Variants in HEATR6 observed in about 807,000 individuals in gnomAD.
The protein encoded by HEATR6 is HEAT repeat containing 6, also known as HEAT repeat-containing protein 6.
HEATR6 carries 106 observed loss-of-function variants against 132.8 expected under a neutral mutation model. The ratio of observed to expected loss-of-function variants is 0.80; its 90% CI spans 0.68 to 0.94. The LOEUF (loss-of-function observed/expected upper bound fraction) is 0.94, where lower values mean the gene tolerates loss of function less well. Ranked by LOEUF, HEATR6 falls within the 40% of genes least tolerant of loss-of-function variation. The pLI is 0.00. For synonymous variants in HEATR6, 529 were observed against 537.8 expected (o/e 0.98, Z 0.23); for missense variants, 1,339 against 1,425.1 (o/e 0.94, Z 0.97).
chr17:60,043,093 GC>G lies in HEATR6; in HGVS notation c.*469del, dbSNP rs1417212831. ...GCTGTGAGGCACTGTCAGCATCCTC[GC>G]ATCCTGTGCAGCTGGGCCAGGACAA... is the stretch of plus-strand genomic sequence containing the variant. On this transcript the variant is annotated 3_prime_UTR_variant, in exon 20 of 20. Transcript: ENST00000184956. The G allele has an allele frequency of 3.7e-6, 1 of 267,272 alleles. No homozygotes were observed. Among genetic ancestry groups the G allele is most frequent in the African/African-American group, 2.3e-5 (1 of 42,780 alleles). 16.6% of individuals were successfully genotyped at this position (267,272 alleles called of 1,614,324 possible).
At chr17:60,055,303 GTTATA>G (rs1353992318) in intron 14 of HEATR6, among the ~76,000 whole-genome samples, 1 of 152,116 alleles carries the variant, frequency 6.6e-6, no homozygotes, top group Non-Finnish European at 1.5e-5. Flanking sequence ...CTGGTTATAT[GTTATA>G]CATAAGCCTA....
intron 12 of HEATR6, 39 bp from the exon 13 acceptor site, chr17:60,056,276 G>A (rs377021438): frequency 1.3e-6 from 2 of 1,568,784 alleles, no homozygotes; most frequent in Admixed American, 3.8e-5. Context: ...TAAGACCTGA[G>A]TGCAAGGCTG....
chr17:60,065,943 G>A (rs765066509), intron 9 of HEATR6, among the ~76,000 whole-genome samples: 6 of 152,250 alleles, frequency 3.9e-5, no homozygotes, highest in Admixed American at 6.5e-5. Context: ...CTTCAGTGCA[G>A]TTCAAGGGAG....
intron 8 of HEATR6, among the ~76,000 whole-genome samples, 186 bp from the exon 9 acceptor site, chr17:60,066,572 T>G (rs1361972434): frequency 6.6e-6 from 1 of 152,174 alleles, no homozygotes; most frequent in African/African-American, 2.4e-5. Flanking sequence ...AATCAAAACA[T>G]GTTAAGACAA....
At chr17:60,073,499 G>A (rs766747285) in intron 3 of HEATR6, among the ~76,000 whole-genome samples, 13 of 152,124 alleles carry the variant, frequency 8.5e-5, no homozygotes, top group Non-Finnish European at 1.9e-4. Flanking sequence ...CTTTAGTGTG[G>A]CCGTATGGCT....
At chr17:60,075,130 A>C (rs1298064315) in intron 2 of HEATR6, among the ~76,000 whole-genome samples, 1 of 152,220 alleles carries the variant, frequency 6.6e-6, no homozygotes, top group Non-Finnish European at 1.5e-5. Flanking sequence ...CCTTACTGTT[A>C]AGTACAAGAG....
chr17:60,041,565 C>A lies in HEATR6; in HGVS notation c.*1998G>T, dbSNP rs1906172455. On this transcript the variant is annotated 3_prime_UTR_variant, in exon 20 of 20. Transcript: ENST00000184956. ...ACTTAGTTTCCTGGGCCCTCTATAA[C>A]ACTTCATGTTCAGAATTGTCTCCAA... Among the ~76,000 whole-genome samples the A allele has an allele frequency of 6.6e-6, 1 of 152,164 alleles. No individual in the cohort carries two copies. The highest frequency in any genetic ancestry group is 2.4e-5 in the African/African-American group (1 of 41,442).
intron 16 of HEATR6, 133 bp downstream of exon 16, chr17:60,049,447 A>G: frequency 9.9e-7 from 1 of 1,010,938 alleles, no homozygotes; most frequent in Non-Finnish European, 1.4e-6. Context: ...ATATTTTAGT[A>G]GCAATTACAG....
At chr17:60,067,281 A>T in intron 8 of HEATR6, 153 bp downstream of exon 8, 1 of 440,964 alleles carries the variant, frequency 2.3e-6, no homozygotes, top group Non-Finnish European at 3.7e-6. Context: ...AAAAAAAAAA[A>T]AAAAAAAAAG....
Position 60,069,916 on chromosome 17 carries a change from A to G in HEATR6, c.802-68T>C, listed in dbSNP as rs931119710. The G allele has an allele frequency of 1.9e-6, 3 of 1,562,692 alleles. No individual in the cohort carries two copies. The African/African-American group carries it at 4.1e-5, about 21-fold the overall frequency. On this transcript the variant is annotated intron_variant, in intron 6 of 19. Transcript: ENST00000184956. ...AAAAAACCATTAATCATAAACCATT[A>G]ATCATAAAATAGAACTATTTACCAT...
chr17:60,057,891 A>G (rs1048433557), intron 11 of HEATR6, among the ~76,000 whole-genome samples: 1 of 152,106 alleles, frequency 6.6e-6, no homozygotes, highest in African/African-American at 2.4e-5. Flanking sequence ...GTTGAAAAGT[A>G]TCTGCTCCTT....
At chr17:60,062,592 G>A (rs1226994926) in intron 9 of HEATR6, among the ~76,000 whole-genome samples, 1 of 152,192 alleles carries the variant, frequency 6.6e-6, no homozygotes, top group Non-Finnish European at 1.5e-5. Flanking sequence ...AGTCCCTGCT[G>A]GGAGTAGGTA....
chr17:60,072,531 G>A (rs564932974), intron 4 of HEATR6, among the ~76,000 whole-genome samples: 6 of 152,290 alleles, frequency 3.9e-5, no homozygotes, highest in African/African-American at 1.4e-4. Context: ...ATAGAGGAAG[G>A]GTGGTTTCCA....
rs771724894 is a variant in HEATR6 at position 60,073,277 on chromosome 17, G to T, written c.471C>A (p.Tyr157Ter). The T allele has an allele frequency of 6.3e-7, 1 of 1,584,074 alleles. No individual in the cohort carries two copies. The highest frequency in any genetic ancestry group is 8.7e-7 in the Non-Finnish European group (1 of 1,152,920). Residue 157 changes from tyrosine to a stop codon, truncating the protein, a stop_gained and splice_region_variant, in exon 4 of 20, where the codon TAC becomes TAA. Coordinates refer to ENST00000184956, the MANE Select transcript of HEATR6 (RefSeq NM_022070.5). LOFTEE classifies it high-confidence loss of function. The part of the protein sequence containing the change: ...VYCNGSKCQK[Y>*]LPELLGNTGL... ...CGGTGTTGCCTAGCAGCTCTGGGAG[G>T]TACTAAGAAAAATAAGAGTCAATGT... is the stretch of plus-strand genomic sequence containing the variant.
chr17:60,059,293 A>G (rs1018387953), intron 11 of HEATR6, 129 bp downstream of exon 11: 18 of 554,296 alleles, frequency 3.2e-5, no homozygotes, highest in Non-Finnish European at 5.6e-5. Context: ...GTTGAGAAGA[A>G]TAAGCAGAGA....
At chr17:60,068,059 G>A (rs2083251956) in intron 7 of HEATR6, among the ~76,000 whole-genome samples, 1 of 152,196 alleles carries the variant, frequency 6.6e-6, no homozygotes, top group East Asian at 1.9e-4. Context: ...CTGTAAGTAT[G>A]CGGCTAATAC....
Position 60,067,695 on chromosome 17 carries a change from A to T in HEATR6, c.977T>A (p.Ile326Asn). 1 of 1,612,950 alleles carries T rather than the reference A, an allele frequency of 6.2e-7. No individual in the cohort carries two copies. The highest frequency in any genetic ancestry group is 8.5e-7 in the Non-Finnish European group (1 of 1,179,656). The change falls in exon 8 of 20, where the codon ATC becomes AAC. Residue 326 changes from isoleucine (I) to asparagine (N), a missense_variant. Transcript: ENST00000184956. ...KKKSKVKPKK[I>N]QQGEEEEKES... ...CTTTTCCTCCTCCTCTCCTTGCTGG[A>T]TTTTCTTTGGTTTTACTTTGGATTT...
At chr17:60,049,005 T>TATATATA (rs1555666977) in intron 16 of HEATR6, among the ~76,000 whole-genome samples, 3 of 134,942 alleles carry the variant, frequency 2.2e-5, no homozygotes, top group African/African-American at 8.6e-5. Flanking sequence ...TATATATATA[T>TATATATA]ATATATATAT....
chr17:60,055,648 T>C, intron 13 of HEATR6, 47 bp from the exon 14 acceptor site: 1 of 1,340,492 alleles, frequency 7.5e-7, no homozygotes, highest in Non-Finnish European at 1.1e-6. Flanking sequence ...AACTAATGAA[T>C]GACTTCACTT....
Sources: gnomAD v4.1 joint callset for allele counts (sites outside exome capture counted in the v4.1 genomes callset) on GRCh38, gnomAD v4.1.1 for gene constraint, MANE v1.5 for transcripts, NCBI Gene and HGNC (gene_info 2026-07-23, HGNC 2026-07-21) for gene names.